MAPRE2: variants seen among roughly 807,000 people sequenced by gnomAD.
MAPRE2 encodes the protein microtubule associated protein RP/EB family member 2, also known as microtubule-associated protein RP/EB family member 2.
In MAPRE2, 13 loss-of-function variants were observed where a neutral mutation model predicts 43.2. That is an observed-to-expected ratio of 0.30 (90% CI 0.20 to 0.48). The LOEUF is 0.48. MAPRE2 is among the 20% of genes least tolerant of loss of function. MAPRE2 has a pLI of 0.99. For missense variants in MAPRE2, 161 were observed against 400.2 expected (o/e 0.40, Z 5.10); for synonymous variants, 135 against 148.8 (o/e 0.91, Z 0.68).
intron 2 of MAPRE2, among the ~76,000 whole-genome samples, chr18:35,035,419 G>A (rs1354085667): frequency 2.6e-5 from 4 of 151,756 alleles, no homozygotes; most frequent in Non-Finnish European, 5.9e-5. Flanking sequence ...GCTAAATGAC[G>A]AGTTAATGGG....
In MAPRE2 at chr18:35,141,997, T is replaced by C. The variant is rs1910672470; in HGVS notation, c.*1628T>C. On this transcript the variant is annotated 3_prime_UTR_variant, in exon 7 of 7. Transcript: ENST00000300249. ...TATTGAGTTATGTGGAAAAGATGGCTTGTATTTTTCAGATTATTACAACAC... is the reference window on the plus strand; with the variant it reads ...TATTGAGTTATGTGGAAAAGATGGCCTGTATTTTTCAGATTATTACAACAC... 1 of 152,280 alleles carries C rather than the reference T, an allele frequency of 6.6e-6. No individual in the cohort carries two copies. The highest frequency in any genetic ancestry group is 2.1e-4 in the South Asian group (1 of 4,832). 9.4% of individuals were successfully genotyped at this position (152,280 alleles called of 1,614,324 possible).
chr18:35,069,381 G>GT (rs199577214), intron 1 of MAPRE2, among the ~76,000 whole-genome samples: 2,664 of 144,084 alleles, frequency 0.018, 75 homozygotes, highest in African/African-American at 0.072. Flanking sequence ...ATAATATTCT[G>GT]TTTTTTTTAA....
chr18:35,021,223 G>A (rs570420076), intron 2 of MAPRE2, among the ~76,000 whole-genome samples: 1 of 152,144 alleles, frequency 6.6e-6, no homozygotes, highest in South Asian at 2.1e-4. Flanking sequence ...TAGACAATGA[G>A]GGAAATGTTG....
At chr18:35,053,730 AATG>A (rs1906072081) in intron 1 of MAPRE2, among the ~76,000 whole-genome samples, 1 of 152,186 alleles carries the variant, frequency 6.6e-6, no homozygotes, top group Non-Finnish European at 1.5e-5. Flanking sequence ...GTGGCAGCTA[AATG>A]ATGAGAACTA....
At chr18:35,018,073 G>A (rs1312516938) in intron 2 of MAPRE2, among the ~76,000 whole-genome samples, 1 of 151,946 alleles carries the variant, frequency 6.6e-6, no homozygotes. Context: ...TGATCACAGG[G>A]TCTTTGTTTT....
chr18:35,109,117 A>G (rs992124243), intron 4 of MAPRE2, among the ~76,000 whole-genome samples: 1 of 152,114 alleles, frequency 6.6e-6, no homozygotes, highest in Non-Finnish European at 1.5e-5. Context: ...TAAGTCTTTA[A>G]TCCATCTTGA....
At chr18:35,069,952 T>C (rs774350673) in intron 1 of MAPRE2, among the ~76,000 whole-genome samples, 7 of 152,198 alleles carry the variant, frequency 4.6e-5, no homozygotes, top group Non-Finnish European at 8.8e-5. Flanking sequence ...AAATTAGGAA[T>C]CTCAGAACCT....
In MAPRE2 at chr18:35,105,312, G is replaced by A. The variant is rs1009086914; in HGVS notation, c.610+3153G>A. The stretch of plus-strand genomic sequence containing the variant: ...TTCCTGATACCTTGACCATGTTTAC[G>A]TTATTGGTCTTAATCAGGGAGAAAT... On this transcript the variant is annotated intron_variant, in intron 4 of 6. Transcript: ENST00000300249. 8.6e-5 allele frequency among the ~76,000 whole-genome samples: 13 copies of A among 152,024 alleles called. No individual in the cohort carries two copies. In the East Asian group the frequency reaches 1.3e-3, roughly 16 times the overall value.
At chr18:35,053,025 A>G (rs1906032616) in intron 1 of MAPRE2, among the ~76,000 whole-genome samples, 1 of 138,914 alleles carries the variant, frequency 7.2e-6, no homozygotes. Context: ...CACACACAAA[A>G]AGACCTAGTC....
chr18:34,996,888 G>C (rs115022365), intron 1 of MAPRE2, among the ~76,000 whole-genome samples: 1 of 152,174 alleles, frequency 6.6e-6, no homozygotes, highest in Admixed American at 6.5e-5. Context: ...CATGAGAAAA[G>C]CCTGTGATTT....
At chr18:35,042,924 CAA>C (rs10549925) in intron 1 of MAPRE2, among the ~76,000 whole-genome samples, 15,094 of 149,534 alleles carry the variant, frequency 0.1, 860 homozygotes, top group African/African-American at 0.16. Context: ...TTTGTTGACT[CAA>C]AAAAAAAAAA....
chr18:35,095,316 G>T (rs1245847178), intron 2 of MAPRE2, among the ~76,000 whole-genome samples: 2 of 150,634 alleles, frequency 1.3e-5, no homozygotes, highest in Admixed American at 1.3e-4. Flanking sequence ...TTAAAAATGG[G>T]TATAATGTGA....
chr18:35,045,011 T>G (rs1174448408), intron 1 of MAPRE2, among the ~76,000 whole-genome samples: 1 of 152,150 alleles, frequency 6.6e-6, no homozygotes, highest in Non-Finnish European at 1.5e-5. Flanking sequence ...CTTTAGAAAA[T>G]TACCCCTGGA....
chr18:34,983,838 C>T (rs11081881), intron 1 of MAPRE2, among the ~76,000 whole-genome samples: 88,032 of 151,392 alleles, frequency 0.58, 26,222 homozygotes, highest in East Asian at 0.73. Flanking sequence ...CCATGTTGGC[C>T]AGGTTGGTCT....
At chr18:35,057,103 C>T (rs1043985620) in intron 1 of MAPRE2, among the ~76,000 whole-genome samples, 1 of 152,150 alleles carries the variant, frequency 6.6e-6, no homozygotes, top group Non-Finnish European at 1.5e-5. Flanking sequence ...CATCCTCCGC[C>T]CCCCTGGTTC....
intron 4 of MAPRE2, 147 bp from the exon 5 acceptor site, chr18:35,126,801 T>C: frequency 1.4e-6 from 1 of 692,078 alleles, no homozygotes; most frequent in Non-Finnish European, 2.4e-6. Flanking sequence ...CCTGCTGAAA[T>C]ATTTATACTC....
Position 35,070,228 on chromosome 18 carries a change from G to A in MAPRE2, c.156G>A (p.Ser52=), listed in dbSNP as rs139112293. Residue 52 remains serine (S), a synonymous_variant, in exon 2 of 7, where the codon TCG becomes TCA. Coordinates refer to ENST00000300249, the MANE Select transcript of MAPRE2 (RefSeq NM_014268.4). ...TGGCGGTCAATGTGTATTCTACCTC[G>A]ATAACCCAAGAGACTATGAGCAGAC... ...WGMAVNVYST[S]ITQETMSRHD... The A allele has an allele frequency of 2.7e-5, 43 of 1,607,494 alleles. No homozygotes were observed. Among genetic ancestry groups the A allele is most frequent in the South Asian group, 8.9e-5 (8 of 89,502 alleles).
intron 2 of MAPRE2, among the ~76,000 whole-genome samples, chr18:35,089,657 G>A (rs1908046921): frequency 6.6e-6 from 1 of 152,200 alleles, no homozygotes; most frequent in African/African-American, 2.4e-5. Context: ...GACAAGTGGT[G>A]ATGAAGATGT....
intron 2 of MAPRE2, chr18:35,082,246 C>T (rs1299076014): frequency 4.3e-5 from 3 of 70,118 alleles, no homozygotes; most frequent in Admixed American, 1.4e-4. Context: ...GCCGAGATTG[C>T]GCCACTGCAC....
Sources: gnomAD v4.1 joint callset for allele counts (sites outside exome capture counted in the v4.1 genomes callset) on GRCh38, gnomAD v4.1.1 for gene constraint, MANE v1.5 for transcripts, NCBI Gene and HGNC (gene_info 2026-07-23, HGNC 2026-07-21) for gene names.